Variants in NDUFA2 observed in about 807,000 individuals in gnomAD.
NDUFA2 encodes NADH dehydrogenase [ubiquinone] 1 alpha subcomplex subunit 2.
In NDUFA2, 9 loss-of-function variants were observed where a neutral mutation model predicts 11.4. That is an observed-to-expected ratio of 0.79 (90% CI 0.48 to 1.38). NDUFA2 has a LOEUF of 1.38. NDUFA2 is among the 40% of genes most tolerant of loss of function. The pLI is 0.00. For missense variants in NDUFA2, 150 were observed against 131.2 expected, an observed-to-expected ratio of 1.14 and a Z score of -0.70; for synonymous variants, 49 against 54.0, an observed-to-expected ratio of 0.91 and a Z score of 0.41.
chr5:140,646,292 T>A (rs1376319126), intron 2 of NDUFA2, among the ~76,000 whole-genome samples: 1 of 152,120 alleles, frequency 6.6e-6, no homozygotes, highest in Non-Finnish European at 1.5e-5. Context: ...ATTACAGGCG[T>A]GAACCACCGC....
chr5:140,645,421 G>A lies in NDUFA2; in HGVS notation c.*166C>T, dbSNP rs946005338. The A allele has an allele frequency of 1.3e-5, 12 of 903,436 alleles. No homozygotes were observed. Among genetic ancestry groups the A allele is most frequent in the African/African-American group, 3.3e-5 (2 of 60,888 alleles). The allele number at this position is 903,436 out of a possible 1,614,324, so 56.0% of individuals were successfully genotyped here. A position where few individuals can be genotyped will look rare whatever the true frequency, so the allele number is the denominator to read the frequency against. On this transcript the variant is annotated 3_prime_UTR_variant, in exon 3 of 3. Coordinates refer to ENST00000252102, the MANE Select transcript of NDUFA2 (RefSeq NM_002488.5). ...TTATATTAAGCTACTTTGCCTCAGT[G>A]GTTGCACAGTAAGGGGTAGAGGGTA...
chr5:140,646,035 G>C (rs1283744256), intron 2 of NDUFA2, among the ~76,000 whole-genome samples: 1 of 147,178 alleles, frequency 6.8e-6, no homozygotes, highest in Non-Finnish European at 1.5e-5. Context: ...TTTTGAGACG[G>C]AGTCTCGCTC....
intron 1 of NDUFA2, 33 bp downstream of exon 1, chr5:140,647,450 G>T: frequency 6.2e-7 from 1 of 1,606,396 alleles, no homozygotes; most frequent in Non-Finnish European, 8.5e-7. Flanking sequence ...CTGGCGTCCC[G>T]AAGCCCGCCC....
At chr5:140,646,149 T>G (rs1757385738) in intron 2 of NDUFA2, among the ~76,000 whole-genome samples, 1 of 152,036 alleles carries the variant, frequency 6.6e-6, no homozygotes, top group South Asian at 2.1e-4. Context: ...TAGCTGGGAT[T>G]ACAGGTGCCC....
At position 140,647,610 on chromosome 5, in the gene NDUFA2, C is replaced by A. The variant is rs763621450; in HGVS notation, c.-27G>T. 62 of 1,604,684 alleles carry A rather than the reference C, an allele frequency of 3.9e-5. No individual in the cohort carries two copies. Among genetic ancestry groups the A allele is most frequent in the Non-Finnish European group, 5.2e-5 (61 of 1,178,554 alleles). On this transcript the variant is annotated 5_prime_UTR_variant, in exon 1 of 3. Transcript: ENST00000252102. ...CTTGTTAATATCGAAGTCGCCAATTCCAGGTCTTCAGGCCAAGTGCTCCGG... is the reference window on the plus strand; with the variant it reads ...CTTGTTAATATCGAAGTCGCCAATTACAGGTCTTCAGGCCAAGTGCTCCGG...
chr5:140,647,040 A>C, intron 2 of NDUFA2: 1 of 533,514 alleles, frequency 1.9e-6, no homozygotes, highest in East Asian at 3.2e-5. Flanking sequence ...GTCCCTACGC[A>C]GGATTCGGTC....
intron 2 of NDUFA2, among the ~76,000 whole-genome samples, chr5:140,646,184 T>G (rs1757388022): frequency 6.6e-6 from 1 of 152,060 alleles, no homozygotes; most frequent in Non-Finnish European, 1.5e-5. Context: ...CTAATTTTTG[T>G]ATGTTTAGTA....
rs962842892 is a variant in NDUFA2 at position 140,645,464 on chromosome 5, C to T, written c.*123G>A. 5 of 1,302,076 alleles carry T rather than the reference C, an allele frequency of 3.8e-6. No homozygotes were observed. In the African/African-American group the frequency reaches 4.4e-5, roughly 11 times the overall value. The allele number at this position is 1,302,076 out of a possible 1,614,324, so 80.7% of individuals were successfully genotyped here. A position where few individuals can be genotyped will look rare whatever the true frequency, so the allele number is the denominator to read the frequency against. Reference sequence around the variant, plus strand: ...AGAGGGTAGATGAGGACAAGAACACCCTGAGAAAGTATTTTACAGCACAAG... The same window carrying T: ...AGAGGGTAGATGAGGACAAGAACACTCTGAGAAAGTATTTTACAGCACAAG... On this transcript the variant is annotated 3_prime_UTR_variant, in exon 3 of 3. Transcript: ENST00000252102.
intron 2 of NDUFA2, chr5:140,647,002 T>G: frequency 4.5e-6 from 2 of 441,144 alleles, no homozygotes; most frequent in Non-Finnish European, 4.0e-6. Flanking sequence ...CTGAAGCCCA[T>G]TCTTAACTAC....
Position 140,647,381 on chromosome 5 carries a change from C to G in NDUFA2, c.102-19G>C. ...GAAGTCCCTGCGGGGCCGGAGAGAG[C>G]GCCGCGCGTGCTGTGGGCGGGGGCT... On this transcript the variant is annotated intron_variant, in intron 1 of 2. Coordinates refer to ENST00000252102, the MANE Select transcript of NDUFA2 (RefSeq NM_002488.5). 1 of 1,611,058 alleles carries G rather than the reference C, an allele frequency of 6.2e-7. No individual in the cohort carries two copies. Among genetic ancestry groups the G allele is most frequent in the Non-Finnish European group, 8.5e-7 (1 of 1,177,854 alleles).
At position 140,645,507 on chromosome 5, in the gene NDUFA2, G is replaced by A; in HGVS notation, c.*80C>T. On this transcript the variant is annotated 3_prime_UTR_variant, in exon 3 of 3. Coordinates refer to ENST00000252102, the MANE Select transcript of NDUFA2 (RefSeq NM_002488.5). Reference sequence around the variant, plus strand: ...AGCACAAGCTTTATGAGGAATAGGAGAACACATTTTTTTCACATTATACTA... The same window carrying A: ...AGCACAAGCTTTATGAGGAATAGGAAAACACATTTTTTTCACATTATACTA... 4 of 1,551,078 alleles carry A rather than the reference G, an allele frequency of 2.6e-6. No individual in the cohort carries two copies. Among genetic ancestry groups the A allele is most frequent in the Non-Finnish European group, 3.5e-6 (4 of 1,127,422 alleles).
intron 2 of NDUFA2, among the ~76,000 whole-genome samples, chr5:140,646,005 CTCTCT>C (rs1413533890): frequency 4.2e-5 from 6 of 141,956 alleles, no homozygotes; most frequent in Admixed American, 1.5e-4. Context: ...AGCCCATTCT[CTCTCT>C]TTTTTTTTTT....
rs762577859 is a variant in NDUFA2, at chr5:140,645,618, G to A, written c.269C>T (p.Ala90Val). ...NNFSADQVTR[A>V]LENVLSGKA The stretch of plus-strand genomic sequence containing the variant: ...TTTACCACTTAGAACGTTCTCCAGG[G>A]CTCTGGTTACCTGATCAGCACTGAA... Residue 90 changes from alanine to valine, a missense_variant, in exon 3 of 3, where the codon GCC becomes GTC. Transcript: ENST00000252102. 1.9e-6 allele frequency: 3 copies of A among 1,614,024 alleles called. No individual in the cohort carries two copies. The highest frequency in any genetic ancestry group is 1.7e-6 in the Non-Finnish European group (2 of 1,180,044).
chr5:140,647,605 C>G lies in NDUFA2; in HGVS notation c.-22G>C, dbSNP rs1309450190. The G allele has an allele frequency of 2.5e-6, 4 of 1,606,080 alleles. No individual in the cohort carries two copies. In the East Asian group the frequency reaches 6.7e-5, roughly 27 times the overall value. On this transcript the variant is annotated 5_prime_UTR_variant, in exon 1 of 3. Transcript: ENST00000252102. ...CCATCCTTGTTAATATCGAAGTCGCCAATTCCAGGTCTTCAGGCCAAGTGC... is the reference window on the plus strand; with the variant it reads ...CCATCCTTGTTAATATCGAAGTCGCGAATTCCAGGTCTTCAGGCCAAGTGC...
rs1561965985 is a variant in NDUFA2 at position 140,647,373 on chromosome 5, GGA to G, written c.102-13_102-12del. ...TTCTCAATGAAGTCCCTGCGGGGCC[GGA>G]GAGAGCGCCGCGCGTGCTGTGGGCG... is the stretch of plus-strand genomic sequence containing the variant. On this transcript the variant is annotated splice_polypyrimidine_tract_variant and intron_variant, in intron 1 of 2. Coordinates refer to ENST00000252102, the MANE Select transcript of NDUFA2 (RefSeq NM_002488.5). The G allele has an allele frequency of 3.1e-6, 5 of 1,611,096 alleles. No individual in the cohort carries two copies. In the Admixed American group the frequency reaches 5.0e-5, roughly 16 times the overall value.
At position 140,645,299 on chromosome 5, in the gene NDUFA2, A is replaced by T. The variant is rs1293580359; in HGVS notation, c.*288T>A. The T allele has an allele frequency of 1.4e-6, 1 of 716,848 alleles. No individual in the cohort carries two copies. The highest frequency in any genetic ancestry group is 2.4e-6 in the Non-Finnish European group (1 of 413,762). The allele number at this position is 716,848 out of a possible 1,614,324, so 44.4% of individuals were successfully genotyped here. A position where few individuals can be genotyped will look rare whatever the true frequency, so the allele number is the denominator to read the frequency against. ...GACCAAAAGGGACTCAGTGTGGTCT[A>T]CTTACTCTGGGGCCCTAGAATCCCT... On this transcript the variant is annotated 3_prime_UTR_variant, in exon 3 of 3. Coordinates refer to ENST00000252102, the MANE Select transcript of NDUFA2 (RefSeq NM_002488.5).
In NDUFA2 at chr5:140,645,378, CAG is replaced by C. The variant is rs1398776684; in HGVS notation, c.*207_*208del. ...CAGCAGCTGGTAGCTTTTGATGAGA[CAG>C]AATAAAGTTTTATTTTTATATTAAG... is the stretch of plus-strand genomic sequence containing the variant. On this transcript the variant is annotated 3_prime_UTR_variant, in exon 3 of 3. Coordinates refer to ENST00000252102, the MANE Select transcript of NDUFA2 (RefSeq NM_002488.5). 2 of 793,726 alleles carry C rather than the reference CAG, an allele frequency of 2.5e-6. No individual in the cohort carries two copies. The highest frequency in any genetic ancestry group is 4.0e-5 in the Admixed American group (2 of 49,856). The allele number at this position is 793,726 out of a possible 1,614,324, so 49.2% of individuals were successfully genotyped here.
chr5:140,647,142 A>G (rs1340662690), intron 2 of NDUFA2, 114 bp downstream of exon 2: 2 of 1,142,068 alleles, frequency 1.8e-6, no homozygotes, highest in Admixed American at 5.7e-5. Flanking sequence ...CAGCAAGGCT[A>G]AAGTCCGAGT....
At chr5:140,645,710 T>C in intron 2 of NDUFA2, 32 bp from the exon 3 acceptor site, 2 of 1,614,164 alleles carry the variant, frequency 1.2e-6, no homozygotes, top group African/African-American at 2.7e-5. Flanking sequence ...TCTTTAACTA[T>C]TCTGCACCCT....
Sources: gnomAD v4.1 joint callset for allele counts (sites outside exome capture counted in the v4.1 genomes callset) on GRCh38, gnomAD v4.1.1 for gene constraint, MANE v1.5 for transcripts, NCBI Gene and HGNC (gene_info 2026-07-23, HGNC 2026-07-21) for gene names.